CDC42SE2: variants seen among roughly 807,000 people sequenced by gnomAD.
CDC42SE2 encodes CDC42 small effector protein 2.
Under a neutral mutation model 11.5 loss-of-function variants are expected in CDC42SE2, and 3 were observed. That is an observed-to-expected ratio of 0.26 (90% confidence interval 0.12 to 0.67). The LOEUF is 0.67. Among genes scored for constraint, CDC42SE2 ranks in the 30% least tolerant of loss-of-function variants. The pLI is 0.80. For missense variants in CDC42SE2, 82 were observed against 106.8 expected, an observed-to-expected ratio of 0.77 and a Z score of 1.02; for synonymous variants, 33 against 34.8, an observed-to-expected ratio of 0.95 and a Z score of 0.18.
chr5:131,222,838 A>G, the CDC42SE2 span, among the ~76,000 whole-genome samples: 1 of 152,230 alleles, frequency 6.6e-6, no homozygotes, highest in Non-Finnish European at 1.5e-5. Context: ...AGACAGACAC[A>G]ATGACAATAT....
chr5:131,289,718 G>A (rs6596010), intron 1 of CDC42SE2, among the ~76,000 whole-genome samples: 114,948 of 151,946 alleles, frequency 0.76, 43,782 homozygotes, highest in Middle Eastern at 0.81. Flanking sequence ...ATTTCTTTCA[G>A]TATTTCTTGT....
upstream of CDC42SE2, among the ~76,000 whole-genome samples, chr5:131,259,445 G>C (rs961070421): frequency 1.3e-5 from 2 of 150,170 alleles, no homozygotes; most frequent in Non-Finnish European, 2.9e-5. Context: ...ATTAGTTAAT[G>C]TTCACAGCAC....
At chr5:131,289,423 A>C (rs1424774484) in intron 1 of CDC42SE2, among the ~76,000 whole-genome samples, 1 of 152,212 alleles carries the variant, frequency 6.6e-6, no homozygotes, top group African/African-American at 2.4e-5. Flanking sequence ...CTGTAATCCC[A>C]GCACTTTGGG....
chr5:131,249,692 C>T (rs1222572689), intron 1 of CDC42SE2, among the ~76,000 whole-genome samples: 1 of 152,162 alleles, frequency 6.6e-6, no homozygotes, highest in Non-Finnish European at 1.5e-5. Flanking sequence ...TTTTGTTCGA[C>T]AGCTTTATTG....
At chr5:131,270,690 T>TA (rs996843755) in intron 1 of CDC42SE2, among the ~76,000 whole-genome samples, 128 of 152,348 alleles carry the variant, frequency 8.4e-4, no homozygotes, top group African/African-American at 2.9e-3. Flanking sequence ...AAGTCACTTT[T>TA]AGGTAACAAA....
intron 1 of CDC42SE2, among the ~76,000 whole-genome samples, chr5:131,307,072 T>TA (rs1757794083): frequency 6.6e-6 from 1 of 151,946 alleles, no homozygotes; most frequent in Admixed American, 6.6e-5. Flanking sequence ...TTAATTTTTT[T>TA]ATTATTATTA....
chr5:131,322,348 G>A (rs1486341562), intron 2 of CDC42SE2, among the ~76,000 whole-genome samples: 2 of 151,964 alleles, frequency 1.3e-5, no homozygotes, highest in Non-Finnish European at 2.9e-5. Flanking sequence ...CCATCCCCCA[G>A]TACCCACATA....
intron 2 of CDC42SE2, among the ~76,000 whole-genome samples, chr5:131,342,407 T>A (rs1180210215): frequency 1.4e-5 from 2 of 146,336 alleles, no homozygotes; most frequent in Non-Finnish European, 3.0e-5. Flanking sequence ...TTTTTTTTTT[T>A]AAGATAGGGT....
intron 2 of CDC42SE2, among the ~76,000 whole-genome samples, chr5:131,325,243 T>C (rs1758271875): frequency 6.6e-6 from 1 of 151,008 alleles, no homozygotes; most frequent in Non-Finnish European, 1.5e-5. Context: ...AAATTTTGAA[T>C]ACTTTCTAAA....
chr5:131,315,788 A>G (rs1490155952), intron 1 of CDC42SE2, among the ~76,000 whole-genome samples, 188 bp from the exon 2 acceptor site: 2 of 152,160 alleles, frequency 1.3e-5, no homozygotes, highest in Non-Finnish European at 2.9e-5. Flanking sequence ...ATATGGTGGG[A>G]AAAGTGTGTT....
intron 4 of CDC42SE2, among the ~76,000 whole-genome samples, chr5:131,387,065 T>C (rs1356733449): frequency 6.6e-6 from 1 of 152,222 alleles, no homozygotes; most frequent in Non-Finnish European, 1.5e-5. Context: ...ATCATGTTGC[T>C]GTCAAAACAG....
At chr5:131,382,368 A>G (rs1750351302) in intron 3 of CDC42SE2, among the ~76,000 whole-genome samples, 1 of 152,176 alleles carries the variant, frequency 6.6e-6, no homozygotes, top group South Asian at 2.1e-4. Flanking sequence ...GCCTGAGCAC[A>G]CTATGGTTTC....
At chr5:131,348,315 A>G (rs1758907331) in intron 2 of CDC42SE2, among the ~76,000 whole-genome samples, 1 of 152,216 alleles carries the variant, frequency 6.6e-6, no homozygotes, top group Non-Finnish European at 1.5e-5. Context: ...TACAAAATCA[A>G]TGTGCAAAAA....
At chr5:131,321,879 C>A (rs959000408) in intron 2 of CDC42SE2, among the ~76,000 whole-genome samples, 4 of 152,210 alleles carry the variant, frequency 2.6e-5, no homozygotes, top group Non-Finnish European at 1.5e-5. Context: ...GAGACGGAGT[C>A]TCGCTGTGTC....
At chr5:131,290,999 C>A (rs1025423437) in intron 1 of CDC42SE2, among the ~76,000 whole-genome samples, 1 of 152,030 alleles carries the variant, frequency 6.6e-6, no homozygotes, top group Non-Finnish European at 1.5e-5. Flanking sequence ...GAGAAAACAT[C>A]GGTCAATATA....
upstream of CDC42SE2, among the ~76,000 whole-genome samples, chr5:131,262,770 T>C (rs1367605355): frequency 6.6e-6 from 1 of 152,228 alleles, no homozygotes. Flanking sequence ...TATATTGTAT[T>C]GGTTTTTATT....
At position 131,368,437 on chromosome 5, in the gene CDC42SE2, G is replaced by A. The variant is rs142818047; in HGVS notation, c.54+8890G>A. Among the ~76,000 whole-genome samples the A allele has an allele frequency of 5.7e-3, 872 of 152,028 alleles. 10 individuals carry two copies. The highest frequency in any genetic ancestry group is 0.02 in the African/African-American group (844 of 41,452). On this transcript the variant is annotated intron_variant, in intron 3 of 4. Transcript: ENST00000505065. Reference sequence around the variant, plus strand: ...TGCATTAATACTGTTTTGATATCTGGGAGGGCAGATCCCTTTGTCTTTGTT... The same window carrying A: ...TGCATTAATACTGTTTTGATATCTGAGAGGGCAGATCCCTTTGTCTTTGTT...
chr5:131,387,476 G>A (rs1364496543), intron 4 of CDC42SE2, among the ~76,000 whole-genome samples: 1 of 152,118 alleles, frequency 6.6e-6, no homozygotes, highest in Non-Finnish European at 1.5e-5. Context: ...GCTTGAACCT[G>A]GGAGGGGGGA....
chr5:131,268,243 A>G (rs1473488550), intron 1 of CDC42SE2, among the ~76,000 whole-genome samples: 1 of 150,508 alleles, frequency 6.6e-6, no homozygotes, highest in Non-Finnish European at 1.5e-5. Context: ...CTATATTTTT[A>G]GTAAAGACAG....
Sources: allele counts gnomAD v4.1 joint callset (sites outside exome capture counted in the v4.1 genomes callset), GRCh38; gene constraint gnomAD v4.1.1; transcripts MANE v1.5; gene names NCBI Gene and HGNC (gene_info 2026-07-23, HGNC 2026-07-21).